Variants in LDLRAD4 observed in about 807,000 individuals in gnomAD.
LDLRAD4 encodes the protein low density lipoprotein receptor class A domain containing 4, also known as low-density lipoprotein receptor class A domain-containing protein 4.
A neutral mutation model predicts 17.0 loss-of-function variants in LDLRAD4; 5 were observed. The ratio of observed to expected loss-of-function variants is 0.29; its 90% confidence interval spans 0.15 to 0.62. LDLRAD4 has a LOEUF of 0.62. Among genes scored for constraint, LDLRAD4 ranks in the 20% least tolerant of loss-of-function variants. The pLI is 0.84. For missense variants in LDLRAD4, 340 were observed against 424.7 expected, an observed-to-expected ratio of 0.80 and a Z score of 1.75; for synonymous variants, 168 against 171.8, an observed-to-expected ratio of 0.98 and a Z score of 0.17.
At chr18:13,639,590 C>T (rs377115212) in intron 4 of LDLRAD4, among the ~76,000 whole-genome samples, 1 of 152,170 alleles carries the variant, frequency 6.6e-6, no homozygotes, top group Non-Finnish European at 1.5e-5. Flanking sequence ...TCTAGAACTC[C>T]GGTCAGTCTT....
intron 3 of LDLRAD4, among the ~76,000 whole-genome samples, chr18:13,524,237 T>A (rs2093995873): frequency 6.6e-6 from 1 of 152,246 alleles, no homozygotes; most frequent in Non-Finnish European, 1.5e-5. Context: ...GGTTGGTTTT[T>A]ATTTTACACT....
intron 4 of LDLRAD4, among the ~76,000 whole-genome samples, chr18:13,636,867 G>A (rs971213430): frequency 2.0e-5 from 3 of 149,546 alleles, no homozygotes; most frequent in Admixed American, 6.7e-5. Context: ...GCATGACCTC[G>A]GCTCACTGCA....
At chr18:13,532,922 G>A (rs1040464464) in intron 3 of LDLRAD4, among the ~76,000 whole-genome samples, 1 of 152,224 alleles carries the variant, frequency 6.6e-6, no homozygotes, top group Non-Finnish European at 1.5e-5. Flanking sequence ...AGGAGCCCTT[G>A]GTCAGGAGCT....
rs8093319 is a variant in LDLRAD4 at position 13,603,624 on chromosome 18, C to T, written c.182-17493C>T. 5.8e-3 allele frequency among the ~76,000 whole-genome samples: 881 copies of T among 152,316 alleles called. 4 individuals are homozygous for T. The highest frequency in any genetic ancestry group is 0.02 in the African/African-American group (829 of 41,564). ...TGGCCTACTTGAATGAGTTAGAGTGCCCTGGAGCACTGCCTGGCCCACAGG... is the reference window on the plus strand; with the variant it reads ...TGGCCTACTTGAATGAGTTAGAGTGTCCTGGAGCACTGCCTGGCCCACAGG... On this transcript the variant is annotated intron_variant, in intron 3 of 5. Transcript: ENST00000359446.
intron 3 of LDLRAD4, chr18:13,488,050 T>G (rs2093273566): frequency 6.6e-6 from 1 of 152,344 alleles, no homozygotes; most frequent in Admixed American, 6.5e-5. Context: ...TGACCCTGGC[T>G]CCCTCATGGA....
chr18:13,306,618 A>G (rs2046932814), intron 1 of LDLRAD4, among the ~76,000 whole-genome samples: 1 of 152,242 alleles, frequency 6.6e-6, no homozygotes, highest in African/African-American at 2.4e-5. Context: ...ACCCTGATAG[A>G]GAGAAGGTCA....
At position 13,354,986 on chromosome 18, in the gene LDLRAD4, G is replaced by A. The variant is rs183730183; in HGVS notation, c.-382-32355G>A. On this transcript the variant is annotated intron_variant, in intron 1 of 5. Transcript: ENST00000359446. ...TCCAATTTGATTTAATTGGATGCCTGAAGGGAAATGAATGGAGAGAGGTGC... is the reference window on the plus strand; with the variant it reads ...TCCAATTTGATTTAATTGGATGCCTAAAGGGAAATGAATGGAGAGAGGTGC... 2.0e-4 allele frequency among the ~76,000 whole-genome samples: 30 copies of A among 152,294 alleles called. 1 individual carries two copies. Among genetic ancestry groups the A allele is most frequent in the Non-Finnish European group, 4.0e-4 (27 of 68,024 alleles).
chr18:13,365,919 G>A (rs2084022675), intron 1 of LDLRAD4, among the ~76,000 whole-genome samples: 2 of 152,190 alleles, frequency 1.3e-5, no homozygotes, highest in South Asian at 2.1e-4. Context: ...GATTACAGGC[G>A]CCCGTCATCA....
At chr18:13,491,895 C>T (rs1042837275) in intron 3 of LDLRAD4, among the ~76,000 whole-genome samples, 1 of 152,146 alleles carries the variant, frequency 6.6e-6, no homozygotes, top group African/African-American at 2.4e-5. Context: ...AGAACACCAC[C>T]GGGAGGCTTG....
At chr18:13,287,645 C>T (rs2146353380) in intron 1 of LDLRAD4, among the ~76,000 whole-genome samples, 1 of 152,176 alleles carries the variant, frequency 6.6e-6, no homozygotes, top group South Asian at 2.1e-4. Context: ...CGGGAGGTGC[C>T]CAAATTCTTA....
intron 3 of LDLRAD4, among the ~76,000 whole-genome samples, chr18:13,529,267 C>G (rs867653955): frequency 2.6e-5 from 4 of 152,342 alleles, no homozygotes; most frequent in Middle Eastern, 3.4e-3. Flanking sequence ...CCTTTCAGAA[C>G]TAGCTACTTG....
At chr18:13,508,535 G>A (rs2093729579) in intron 3 of LDLRAD4, among the ~76,000 whole-genome samples, 1 of 152,198 alleles carries the variant, frequency 6.6e-6, no homozygotes, top group South Asian at 2.1e-4. Context: ...TGCAGCCAAT[G>A]CTCATTTCCC....
At chr18:13,346,489 A>T (rs2082695304) in intron 1 of LDLRAD4, among the ~76,000 whole-genome samples, 2 of 152,118 alleles carry the variant, frequency 1.3e-5, no homozygotes, top group South Asian at 4.2e-4. Context: ...GGAGTGCTTT[A>T]TTTCCAACTA....
intron 3 of LDLRAD4, chr18:13,522,020 A>C (rs551128638): frequency 2.9e-4 from 44 of 151,896 alleles, no homozygotes; most frequent in African/African-American, 1.1e-3. Flanking sequence ...AATTCACGTG[A>C]AGCTCTTAGT....
chr18:13,427,050 G>A lies in LDLRAD4; in HGVS notation c.41-11194G>A, dbSNP rs201363738. On this transcript the variant is annotated intron_variant, in intron 2 of 5. Coordinates refer to ENST00000359446, the Ensembl canonical transcript of LDLRAD4. ...ATACAAAAAAAATGAGCCAGGCGTG[G>A]TGGTGCACACCTGTAGTCCCAGCTA... 4.4e-4 allele frequency among the ~76,000 whole-genome samples: 67 copies of A among 152,258 alleles called. No homozygotes were observed. In the East Asian group the frequency reaches 9.1e-3, roughly 21 times the overall value.
chr18:13,595,728 G>A (rs1323298141), intron 3 of LDLRAD4, among the ~76,000 whole-genome samples: 1 of 152,038 alleles, frequency 6.6e-6, no homozygotes, highest in Non-Finnish European at 1.5e-5. Flanking sequence ...TTTTCTTTCT[G>A]TTATGATTTC....
chr18:13,377,372 G>A (rs1329286902), intron 1 of LDLRAD4, among the ~76,000 whole-genome samples: 1 of 152,170 alleles, frequency 6.6e-6, no homozygotes, highest in Non-Finnish European at 1.5e-5. Flanking sequence ...TGGTTTTGCT[G>A]CTTGAATTGC....
At chr18:13,518,126 G>A (rs578119542) in intron 3 of LDLRAD4, among the ~76,000 whole-genome samples, 3 of 152,152 alleles carry the variant, frequency 2.0e-5, no homozygotes, top group African/African-American at 7.2e-5. Flanking sequence ...TGGAAAACTC[G>A]CAGATTTTCA....
At chr18:13,612,840 A>G in intron 3 of LDLRAD4, 1 of 1,599,224 alleles carries the variant, frequency 6.3e-7, no homozygotes, top group Non-Finnish European at 8.6e-7. Context: ...TTCTTCTTGG[A>G]GTTTGGTCTG....
Sources: gnomAD v4.1 joint callset for allele counts (sites outside exome capture counted in the v4.1 genomes callset) on GRCh38, gnomAD v4.1.1 for gene constraint, MANE v1.5 for transcripts, NCBI Gene and HGNC (gene_info 2026-07-23, HGNC 2026-07-21) for gene names.